PCDH15: variants seen among roughly 807,000 people sequenced by gnomAD.
PCDH15 encodes the protein protocadherin related 15, also known as protocadherin-15.
A neutral mutation model predicts 178.5 loss-of-function variants in PCDH15; 129 were observed. The observed-to-expected ratio is 0.72, with a 90% confidence interval of 0.63 to 0.84. PCDH15 has a LOEUF of 0.84. Among genes scored for constraint, PCDH15 ranks in the 40% least tolerant of loss-of-function variants. The pLI is 0.00. For missense variants in PCDH15, 2,230 were observed against 2,099.9 expected, an observed-to-expected ratio of 1.06 and a Z score of -1.21; for synonymous variants, 800 against 732.0, an observed-to-expected ratio of 1.09 and a Z score of -1.50.
At chr10:55,409,903 C>T (rs1838291775) in intron 2 of PCDH15, among the ~76,000 whole-genome samples, 1 of 152,092 alleles carries the variant, frequency 6.6e-6, no homozygotes, top group African/African-American at 2.4e-5. Context: ...ACAGGCCAAT[C>T]ATGATAGGAA....
chr10:54,396,281 C>T (rs181487383), intron 3 of PCDH15, among the ~76,000 whole-genome samples: 101 of 152,178 alleles, frequency 6.6e-4, no homozygotes, highest in South Asian at 1.9e-3. Flanking sequence ...TTTGTCATGT[C>T]GCTTCCCTAA....
Position 54,954,759 on chromosome 10 carries a change from A to C in PCDH15, c.-79-57259T>G, listed in dbSNP as rs148393960. On this transcript the variant is annotated intron_variant, in intron 2 of 5. Transcript: ENST00000458638. ...TGAAGAATATTGTTACTTATTTTAA[A>C]GGTGTTCTCCCCTTTATTAAAGTTT... 6.1e-4 allele frequency among the ~76,000 whole-genome samples: 93 copies of C among 151,444 alleles called. 1 individual carries two copies. Among genetic ancestry groups the C allele is most frequent in the African/African-American group, 1.9e-3 (79 of 41,504 alleles).
intron 1 of PCDH15, among the ~76,000 whole-genome samples, chr10:55,212,267 C>T (rs1840590184): frequency 6.6e-6 from 1 of 152,138 alleles, no homozygotes; most frequent in Non-Finnish European, 1.5e-5. Context: ...CTAGTCCAAC[C>T]AGTCTTTCCT....
rs1407303318 is a variant in PCDH15, at chr10:54,878,449, G to A, written c.-29+19001C>T. ...AGCCAGAGTGTATACGAGTTAATCA[G>A]CCTAGAACTGTCCTCCATTTCTATT... On this transcript the variant is annotated intron_variant, in intron 3 of 5. Transcript: ENST00000458638. Among the ~76,000 whole-genome samples, 3 of 152,084 alleles carry A rather than the reference G, an allele frequency of 2.0e-5. No individual in the cohort carries two copies. In the East Asian group the frequency reaches 5.8e-4, roughly 29 times the overall value.
rs774226248 is a variant in PCDH15 at position 53,822,964 on chromosome 10, C to T, written c.4368-2734G>A. 10 of 1,614,002 alleles carry T rather than the reference C, an allele frequency of 6.2e-6. No individual in the cohort carries two copies. The highest frequency in any genetic ancestry group is 8.5e-6 in the Non-Finnish European group (10 of 1,180,008). On this transcript the variant is annotated intron_variant, in intron 32 of 37. Coordinates refer to ENST00000644397, the MANE Select transcript of PCDH15 (RefSeq NM_001384140.1). ...TCTATGATCTCTGGTCTATTTGGAACTTTCCTCATCAGCCTCCTGGGTAAG... is the reference window on the plus strand; with the variant it reads ...TCTATGATCTCTGGTCTATTTGGAATTTTCCTCATCAGCCTCCTGGGTAAG...
chr10:54,465,143 AT>A (rs2077430681), intron 3 of PCDH15, among the ~76,000 whole-genome samples: 1 of 152,020 alleles, frequency 6.6e-6, no homozygotes, highest in Admixed American at 6.6e-5. Context: ...GATACATAGC[AT>A]TTGTATATAT....
At chr10:55,543,149 A>G (rs1246591455) in intron 2 of PCDH15, among the ~76,000 whole-genome samples, 2 of 148,738 alleles carry the variant, frequency 1.3e-5, no homozygotes, top group Non-Finnish European at 3.0e-5. Flanking sequence ...GTACATACAG[A>G]CATATGTATG....
rs185276240 is a variant in PCDH15 at position 54,733,577 on chromosome 10, G to A, written c.-29+67348C>T. Among the ~76,000 whole-genome samples, 4 of 151,314 alleles carry A rather than the reference G, an allele frequency of 2.6e-5. No homozygotes were observed. The East Asian group carries it at 7.8e-4, about 29-fold the overall frequency. On this transcript the variant is annotated intron_variant, in intron 1 of 37. Coordinates refer to ENST00000644397, the MANE Select transcript of PCDH15 (RefSeq NM_001384140.1). ...ACATTTCCAATTGAATTCTTAGCAG[G>A]ATATTTTTAGATACCAAAAAACTGA...
chr10:54,484,354 A>G (rs2078940126), intron 3 of PCDH15, among the ~76,000 whole-genome samples: 1 of 151,872 alleles, frequency 6.6e-6, no homozygotes, highest in Admixed American at 6.6e-5. Context: ...TCACTCAAAC[A>G]CCTAATAATG....
chr10:54,827,869 G>C (rs1176477171), intron 3 of PCDH15, among the ~76,000 whole-genome samples: 1 of 151,984 alleles, frequency 6.6e-6, no homozygotes, highest in Non-Finnish European at 1.5e-5. Context: ...TTTTTGCGCA[G>C]GTGATGAAAT....
intron 28 of PCDH15, among the ~76,000 whole-genome samples, chr10:53,844,413 A>G (rs1191224011): frequency 6.6e-6 from 1 of 152,064 alleles, no homozygotes; most frequent in Non-Finnish European, 1.5e-5. Context: ...TAGCCATATG[A>G]AATAAAATAT....
chr10:53,850,994 G>A (rs1021361947), intron 28 of PCDH15, among the ~76,000 whole-genome samples: 2 of 152,042 alleles, frequency 1.3e-5, no homozygotes, highest in African/African-American at 4.8e-5. Context: ...ACTTGAAATC[G>A]TCCAAGTGAT....
intron 3 of PCDH15, among the ~76,000 whole-genome samples, chr10:54,434,024 T>C (rs747830950): frequency 2.0e-5 from 3 of 152,122 alleles, no homozygotes; most frequent in African/African-American, 4.8e-5. Context: ...ATCCACATCT[T>C]GTGTAGCCCT....
At position 55,286,873 on chromosome 10, in the gene PCDH15, C is replaced by A. The variant is rs150857384; in HGVS notation, c.-156+32726G>T. 7.6e-3 allele frequency among the ~76,000 whole-genome samples: 1,155 copies of A among 151,988 alleles called. 16 individuals carry two copies. Among genetic ancestry groups the A allele is most frequent in the African/African-American group, 0.026 (1,086 of 41,498 alleles). On this transcript the variant is annotated intron_variant, in intron 1 of 5. Coordinates refer to the PCDH15 transcript ENST00000458638. ...ATTTCTTTTCATGCATTTGTATTAGCCAAGTACAGAGTTAATGGACTTACT... is the reference window on the plus strand; with the variant it reads ...ATTTCTTTTCATGCATTTGTATTAGACAAGTACAGAGTTAATGGACTTACT...
At chr10:54,562,172 G>C (rs2088273213) in intron 2 of PCDH15, among the ~76,000 whole-genome samples, 1 of 151,028 alleles carries the variant, frequency 6.6e-6, no homozygotes, top group Non-Finnish European at 1.5e-5. Context: ...TGTGTTTTTA[G>C]TAGAAATGAG....
chr10:55,358,051 A>G (rs1413630562), intron 2 of PCDH15, among the ~76,000 whole-genome samples: 1 of 152,082 alleles, frequency 6.6e-6, no homozygotes, highest in Non-Finnish European at 1.5e-5. Context: ...AGCTATTTTA[A>G]TGCTTTGAAG....
chr10:54,118,924 G>T (rs1012306966), intron 15 of PCDH15, among the ~76,000 whole-genome samples: 10 of 151,824 alleles, frequency 6.6e-5, no homozygotes, highest in African/African-American at 2.4e-4. Flanking sequence ...CCCAGATCCT[G>T]GAGAGGAAAA....
intron 2 of PCDH15, among the ~76,000 whole-genome samples, chr10:55,522,553 T>C (rs1187027559): frequency 6.6e-6 from 1 of 151,794 alleles, no homozygotes; most frequent in Non-Finnish European, 1.5e-5. Flanking sequence ...ATTGGCCTCT[T>C]TATCATTATA....
intron 32 of PCDH15, chr10:53,821,514 G>C: frequency 9.6e-7 from 1 of 1,039,068 alleles, no homozygotes; most frequent in Non-Finnish European, 1.2e-6. Context: ...AAATGTAAAT[G>C]TTACTGCATC....
Sources: allele counts gnomAD v4.1 joint callset (sites outside exome capture counted in the v4.1 genomes callset), GRCh38; gene constraint gnomAD v4.1.1; transcripts MANE v1.5; gene names NCBI Gene and HGNC (gene_info 2026-07-23, HGNC 2026-07-21).